The following CRPPA variants were observed in gnomAD, a reference collection of about 807,000 sequenced individuals.
CRPPA encodes the protein D-ribitol-5-phosphate cytidylyltransferase.
A neutral mutation model predicts 52.0 loss-of-function variants in CRPPA; 43 were observed. The ratio of observed to expected loss-of-function variants is 0.83; its 90% CI spans 0.65 to 1.07. The LOEUF is 1.07. Ranked by LOEUF, CRPPA falls within the 50% of genes least tolerant of loss-of-function variation. CRPPA has a pLI of 0.00. For synonymous variants in CRPPA, 250 were observed against 203.5 expected (o/e 1.23, Z -1.94); for missense variants, 629 against 551.7 (o/e 1.14, Z -1.40).
chr7:16,419,938 C>G (rs943692964), intron 1 of CRPPA, among the ~76,000 whole-genome samples: 1 of 152,198 alleles, frequency 6.6e-6, no homozygotes, highest in Non-Finnish European at 1.5e-5. Context: ...GCACAGCCGA[C>G]TCTGCGTGAA....
chr7:16,236,253 G>A (rs76917081), intron 8 of CRPPA, among the ~76,000 whole-genome samples: 8,043 of 152,138 alleles, frequency 0.053, 675 homozygotes, highest in African/African-American at 0.18. Flanking sequence ...TCAGTAGGCA[G>A]AGGAGTCATG....
intron 9 of CRPPA, among the ~76,000 whole-genome samples, chr7:16,175,306 ATACAG>A (rs1437422469): frequency 3.9e-5 from 6 of 152,178 alleles, no homozygotes; most frequent in Admixed American, 1.3e-4. Flanking sequence ...ACTACTATAA[ATACAG>A]TAGATTAAAA....
intron 8 of CRPPA, among the ~76,000 whole-genome samples, chr7:16,221,322 G>C (rs1782493963): frequency 6.6e-6 from 1 of 152,038 alleles, no homozygotes; most frequent in African/African-American, 2.4e-5. Flanking sequence ...TTAAACGTTA[G>C]ACCTAAAACC....
intron 9 of CRPPA, among the ~76,000 whole-genome samples, chr7:16,147,369 G>A (rs568380863): frequency 2.0e-5 from 3 of 152,194 alleles, no homozygotes; most frequent in South Asian, 4.1e-4. Context: ...TACACTCCCA[G>A]GGATTAACCC....
intron 9 of CRPPA, among the ~76,000 whole-genome samples, chr7:16,103,916 T>A (rs1348282228): frequency 2.6e-5 from 4 of 152,150 alleles, no homozygotes; most frequent in Non-Finnish European, 5.9e-5. Flanking sequence ...TAACATTTAG[T>A]TTCAAAATTT....
chr7:16,109,902 C>T (rs1453823202), intron 9 of CRPPA, among the ~76,000 whole-genome samples: 1 of 152,054 alleles, frequency 6.6e-6, no homozygotes, highest in Non-Finnish European at 1.5e-5. Flanking sequence ...AGACAACATG[C>T]CCACACTTAC....
intron 6 of CRPPA, among the ~76,000 whole-genome samples, chr7:16,263,614 A>G (rs1783871575): frequency 6.6e-6 from 1 of 152,132 alleles, no homozygotes; most frequent in African/African-American, 2.4e-5. Context: ...TTAGCTGGGC[A>G]TGGTGGTGGA....
At chr7:16,396,643 A>T (rs1222298068) in intron 2 of CRPPA, among the ~76,000 whole-genome samples, 2 of 152,256 alleles carry the variant, frequency 1.3e-5, no homozygotes, top group Non-Finnish European at 2.9e-5. Context: ...TAGCAGCACA[A>T]CTTGCAACTG....
At chr7:16,117,418 T>C (rs1401887502) in intron 9 of CRPPA, among the ~76,000 whole-genome samples, 1 of 152,182 alleles carries the variant, frequency 6.6e-6, no homozygotes, top group Non-Finnish European at 1.5e-5. Flanking sequence ...CTTTTCCTTG[T>C]CTTCTGTTAC....
At chr7:16,345,755 C>G (rs1785998347) in intron 3 of CRPPA, among the ~76,000 whole-genome samples, 1 of 148,930 alleles carries the variant, frequency 6.7e-6, no homozygotes, top group African/African-American at 2.4e-5. Flanking sequence ...CACTCTCAGT[C>G]CTTTAGAGTT....
intron 9 of CRPPA, among the ~76,000 whole-genome samples, chr7:16,170,751 G>C (rs1321199130): frequency 6.6e-6 from 1 of 152,196 alleles, no homozygotes; most frequent in East Asian, 1.9e-4. Flanking sequence ...GGCCCCGTGA[G>C]AATTCAAGCG....
intron 9 of CRPPA, among the ~76,000 whole-genome samples, chr7:16,171,952 G>C (rs1781196034): frequency 6.6e-6 from 1 of 152,122 alleles, no homozygotes; most frequent in Non-Finnish European, 1.5e-5. Context: ...CAGTGGTTTA[G>C]ACATGTAATA....
chr7:16,380,113 A>G lies in CRPPA; in HGVS notation c.535-3872T>C, dbSNP rs568192231. Among the ~76,000 whole-genome samples the G allele has an allele frequency of 1.4e-4, 21 of 150,732 alleles. 1 individual carries two copies. The highest frequency in any genetic ancestry group is 5.1e-4 in the African/African-American group (21 of 40,954). On this transcript the variant is annotated intron_variant, in intron 2 of 9. Transcript: ENST00000407010. ...CCAGTTTTTGCCCATTCAGTATGAT[A>G]TTGGCTGTGGGTTTGTCAAAGACAG...
chr7:16,363,188 T>C (rs768547868), intron 3 of CRPPA, among the ~76,000 whole-genome samples: 1 of 152,190 alleles, frequency 6.6e-6, no homozygotes, highest in African/African-American at 2.4e-5. Context: ...GGAGCTCTAT[T>C]GGAATTTCAA....
chr7:16,414,036 G>C (rs909150169), intron 1 of CRPPA, among the ~76,000 whole-genome samples: 7 of 152,150 alleles, frequency 4.6e-5, no homozygotes, highest in Admixed American at 2.0e-4. Context: ...TTAATCAGTG[G>C]AACAGCACAT....
chr7:16,330,605 A>C (rs1486716206), intron 3 of CRPPA, among the ~76,000 whole-genome samples: 1 of 150,990 alleles, frequency 6.6e-6, no homozygotes, highest in African/African-American at 2.4e-5. Context: ...AGAGTTAAAA[A>C]CTCCGGGAAA....
At chr7:16,132,840 A>C (rs1220559856) in intron 9 of CRPPA, among the ~76,000 whole-genome samples, 7 of 124,418 alleles carry the variant, frequency 5.6e-5, no homozygotes, top group African/African-American at 1.8e-4. Flanking sequence ...ACTATAATAA[A>C]ATATGCCCAA....
chr7:16,140,975 G>A (rs1198318967), intron 9 of CRPPA, among the ~76,000 whole-genome samples: 1 of 152,092 alleles, frequency 6.6e-6, no homozygotes, highest in East Asian at 1.9e-4. Flanking sequence ...GCCTAAAACT[G>A]ACTAATGGAC....
intron 3 of CRPPA, among the ~76,000 whole-genome samples, chr7:16,356,268 G>C (rs1786292164): frequency 6.6e-6 from 1 of 152,162 alleles, no homozygotes; most frequent in Non-Finnish European, 1.5e-5. Flanking sequence ...AACCCAGCAA[G>C]GAAGGTACTA....
Sources: allele counts gnomAD v4.1 joint callset (sites outside exome capture counted in the v4.1 genomes callset), GRCh38; gene constraint gnomAD v4.1.1; transcripts MANE v1.5; gene names NCBI Gene and HGNC (gene_info 2026-07-23, HGNC 2026-07-21).